ZNF282: variants seen among roughly 807,000 people sequenced by gnomAD.
ZNF282 encodes the protein HTLV-I U5 repressive element-binding protein 1.
A neutral mutation model predicts 61.9 loss-of-function variants in ZNF282; 30 were observed. That is an observed-to-expected ratio of 0.48 (90% confidence interval 0.36 to 0.66). The LOEUF (loss-of-function observed/expected upper bound fraction) is 0.66, where lower values mean the gene tolerates loss of function less well. Among genes scored for constraint, ZNF282 ranks in the 30% least tolerant of loss-of-function variants. The pLI, the probability that ZNF282 is intolerant of heterozygous loss-of-function variation, is 0.00. For missense variants in ZNF282, 788 were observed against 941.4 expected (o/e 0.84, Z 2.13); for synonymous variants, 396 against 405.0 (o/e 0.98, Z 0.27).
rs748170038 is a variant in ZNF282 at position 149,223,923 on chromosome 7, C to T, written c.1292C>T (p.Pro431Leu). 50 of 1,342,450 alleles carry T rather than the reference C, an allele frequency of 3.7e-5. No homozygotes were observed. Among genetic ancestry groups the T allele is most frequent in the East Asian group, 1.2e-4 (4 of 32,288 alleles). The allele number at this position is 1,342,450 out of a possible 1,614,324, so 83.2% of individuals were successfully genotyped here. A position where few individuals can be genotyped will look rare whatever the true frequency, so the allele number is the denominator to read the frequency against. ...LQSQPQPQSL[P>L]PIAVAENPGG... Reference sequence around the variant, plus strand: ...TCGCAGCCCCAGCCCCAGAGCCTGCCCCCCATCGCGGTGGCCGAGAACCCG... The same window carrying T: ...TCGCAGCCCCAGCCCCAGAGCCTGCTCCCCATCGCGGTGGCCGAGAACCCG... Residue 431 changes from proline to leucine, a missense_variant, in exon 8 of 8, where the codon CCC (proline) becomes CTC (leucine). Pro to Leu is a moderately conservative substitution (Grantham distance 98). Transcript: ENST00000610704.
intron 7 of ZNF282, among the ~76,000 whole-genome samples, chr7:149,216,926 CAAG>C (rs941346605): frequency 2.8e-4 from 43 of 152,274 alleles, no homozygotes; most frequent in African/African-American, 9.6e-4. Flanking sequence ...TAGTGTAAGA[CAAG>C]AAGAAGATTC....
intron 2 of ZNF282, among the ~76,000 whole-genome samples, chr7:149,201,380 C>T (rs192211404): frequency 6.6e-6 from 1 of 152,174 alleles, no homozygotes; most frequent in Non-Finnish European, 1.5e-5. Flanking sequence ...CTTGTCCCCC[C>T]ACCCATACAG....
At chr7:149,211,482 T>C (rs972078067) in intron 5 of ZNF282, among the ~76,000 whole-genome samples, 29 of 152,258 alleles carry the variant, frequency 1.9e-4, no homozygotes, top group African/African-American at 5.8e-4. Flanking sequence ...GCCCACATCA[T>C]AGAGGGCAAT....
Position 149,224,508 on chromosome 7 carries a change from G to C in ZNF282, c.1877G>C (p.Gly626Ala). ...NLLKHQRIHT[G>A]ERPYTCGECG... ...CTCAAGCACCAGCGCATCCACACGG[G>C]CGAGCGCCCCTACACGTGCGGCGAG... is the stretch of plus-strand genomic sequence containing the variant. The change falls in exon 8 of 8, where the codon GGC becomes GCC. Residue 626 changes from glycine (G) to alanine (A), a missense_variant. Transcript: ENST00000610704. The C allele has an allele frequency of 1.2e-6, 2 of 1,613,100 alleles. No homozygotes were observed. The highest frequency in any genetic ancestry group is 1.7e-6 in the Non-Finnish European group (2 of 1,179,934).
chr7:149,217,443 A>AT (rs1796174666), intron 7 of ZNF282, among the ~76,000 whole-genome samples: 1 of 152,196 alleles, frequency 6.6e-6, no homozygotes, highest in Non-Finnish European at 1.5e-5. Flanking sequence ...GGGCACCTGT[A>AT]ACTCCAGCTA....
At position 149,195,678 on chromosome 7, in the gene ZNF282, C is replaced by T; in HGVS notation, c.89C>T (p.Ala30Val). 6.3e-7 allele frequency: 1 copy of T among 1,587,568 alleles called. No individual in the cohort carries two copies. Among genetic ancestry groups the T allele is most frequent in the East Asian group, 2.3e-5 (1 of 42,742 alleles). ...LDSGSWSWAQ[A>V]LPPEEVCHQE... ...AGCGGGAGCTGGAGCTGGGCCCAGG[C>T]TCTGCCCCCGGAGGAGGTCTGCCAC... Residue 30 changes from alanine (A) to valine (V), a missense_variant, in exon 1 of 8, where the codon GCT becomes GTT. By Grantham distance (64) the Ala-to-Val change is moderately conservative. Transcript: ENST00000610704.
intron 2 of ZNF282, 161 bp from the exon 3 acceptor site, chr7:149,206,535 C>A: frequency 1.0e-6 from 1 of 1,001,938 alleles, no homozygotes; most frequent in Non-Finnish European, 1.5e-6. Context: ...AGGTCCGGGA[C>A]AGAGAGGACT....
At chr7:149,215,194 C>CT (rs1269173207) in intron 7 of ZNF282, among the ~76,000 whole-genome samples, 1,470 of 119,944 alleles carry the variant, frequency 0.012, 14 homozygotes, top group Non-Finnish European at 0.02. Flanking sequence ...TATTTCCTGA[C>CT]ATTTTTTTTT....
intron 2 of ZNF282, among the ~76,000 whole-genome samples, chr7:149,204,930 A>G (rs1452525862): frequency 6.6e-6 from 1 of 152,162 alleles, no homozygotes; most frequent in African/African-American, 2.4e-5. Flanking sequence ...CATCCTGGCT[A>G]ACATGGTGAA....
rs561001960 is a variant in ZNF282 at position 149,224,676 on chromosome 7, C to T, written c.*29C>T. 164 of 1,467,158 alleles carry T rather than the reference C, an allele frequency of 1.1e-4. No homozygotes were observed. In the East Asian group the frequency reaches 3.9e-3, roughly 35 times the overall value. 90.9% of individuals were successfully genotyped at this position (1,467,158 alleles called of 1,614,324 possible). Reference sequence around the variant, plus strand: ...TGGGCTGGGGGAGGGCAGGGCCGGACGGAGTGGATCGGGGGCGGCCTGAGC... The same window carrying T: ...TGGGCTGGGGGAGGGCAGGGCCGGATGGAGTGGATCGGGGGCGGCCTGAGC... On this transcript the variant is annotated 3_prime_UTR_variant, in exon 8 of 8. Transcript: ENST00000610704.
Position 149,213,745 on chromosome 7 carries a change from G to A in ZNF282, c.1111G>A (p.Glu371Lys), listed in dbSNP as rs1796120699. ...TGACATTTTGTCATGGATCAAGCAG[G>A]AGGAGCAGCCATACCCATGGGGACC... ...AHDILSWIKQ[E>K]EQPYPWGPRD... The change falls in exon 7 of 8, where the codon GAG (glutamate) becomes AAG (lysine). Residue 371 changes from glutamate to lysine, a missense_variant. Transcript: ENST00000610704. 1 of 1,613,782 alleles carries A rather than the reference G, an allele frequency of 6.2e-7. No homozygotes were observed. Among genetic ancestry groups the A allele is most frequent in the African/African-American group, 1.3e-5 (1 of 74,846 alleles).
rs1796351259 is a variant in ZNF282 at position 149,225,288 on chromosome 7, C to G, written c.*641C>G. 1 of 152,918 alleles carries G rather than the reference C, an allele frequency of 6.5e-6. No homozygotes were observed. Among genetic ancestry groups the G allele is most frequent in the South Asian group, 2.1e-4 (1 of 4,810 alleles). 9.5% of individuals were successfully genotyped at this position (152,918 alleles called of 1,614,324 possible). On this transcript the variant is annotated 3_prime_UTR_variant, in exon 8 of 8. Transcript: ENST00000610704. ...GCGCTCTCCGCCTACCTCCGCTGCT[C>G]GGGAAGCTGCTGGCCTGGCCCTCCT...
Position 149,224,598 on chromosome 7 carries a change from C to T in ZNF282, c.1967C>T (p.Pro656Leu), listed in dbSNP as rs918965843. ...CACCTGCGCGTGCACAGCGGCGGCC[C>T]GGGCCCCGGCGCCCCACGGCAGCTC... is the stretch of plus-strand genomic sequence containing the variant. Reference protein sequence around the residue: ...KDHLRVHSGGPGPGAPRQLPP... With the variant: ...KDHLRVHSGGLGPGAPRQLPP... The change falls in exon 8 of 8, where the codon CCG becomes CTG. Residue 656 changes from proline (P) to leucine (L), a missense_variant. By Grantham distance (98) the Pro-to-Leu change is moderately conservative. This residue lies in a region of ZNF282 where 559 missense variants were observed against 642.0 expected (regional missense o/e 0.87). Transcript: ENST00000610704. 4.5e-6 allele frequency: 7 copies of T among 1,562,314 alleles called. No homozygotes were observed. Among genetic ancestry groups the T allele is most frequent in the Admixed American group, 1.9e-5 (1 of 53,316 alleles).
intron 7 of ZNF282, among the ~76,000 whole-genome samples, chr7:149,216,068 T>C (rs948291580): frequency 1.3e-5 from 2 of 152,164 alleles, no homozygotes; most frequent in Non-Finnish European, 2.9e-5. Context: ...AGTTTGGATA[T>C]CATAGAATGA....
At chr7:149,207,612 CAG>C in intron 4 of ZNF282, 142 bp downstream of exon 4, 1 of 1,310,704 alleles carries the variant, frequency 7.6e-7, no homozygotes, top group Non-Finnish European at 1.0e-6. Context: ...CCAGTTCTGC[CAG>C]AGTCGAAATT....
chr7:149,203,913 A>ACCTATTGTGTTG (rs1795952409), intron 2 of ZNF282, among the ~76,000 whole-genome samples: 2 of 152,340 alleles, frequency 1.3e-5, no homozygotes, highest in East Asian at 3.9e-4. Context: ...TGTATAACAG[A>ACCTATTGTGTTG]TTACCTCAAA....
At chr7:149,210,795 A>G (rs1248261494) in intron 5 of ZNF282, 91 bp downstream of exon 5, 6 of 1,443,930 alleles carry the variant, frequency 4.2e-6, no homozygotes, top group African/African-American at 1.4e-5. Flanking sequence ...TAGCTGTCAC[A>G]TGTGCCAGGC....
chr7:149,224,601 GC>G lies in ZNF282; in HGVS notation c.1974del (p.Gly659AlafsTer31). ...DHLRVHSGGP[G>X]PGAPRQLPPP... ...CTGCGCGTGCACAGCGGCGGCCCGG[GC>G]CCCGGCGCCCCACGGCAGCTCCCGC... On this transcript the variant is annotated frameshift_variant, in exon 8 of 8. Coordinates refer to ENST00000610704, the MANE Select transcript of ZNF282 (RefSeq NM_003575.4). LOFTEE classifies it high-confidence loss of function. The G allele has an allele frequency of 6.4e-7, 1 of 1,559,952 alleles. No homozygotes were observed.
intron 1 of ZNF282, among the ~76,000 whole-genome samples, chr7:149,196,429 C>T (rs902094418): frequency 1.3e-5 from 2 of 152,148 alleles, no homozygotes; most frequent in African/African-American, 2.4e-5. Flanking sequence ...CCAGGCATTT[C>T]TTCAGGCTCC....
Sources: gnomAD v4.1 joint callset for allele counts (sites outside exome capture counted in the v4.1 genomes callset) on GRCh38, gnomAD v4.1.1 for gene constraint, gnomAD v4.1.1 regional missense constraint, MANE v1.5 for transcripts, NCBI Gene and HGNC (gene_info 2026-07-23, HGNC 2026-07-21) for gene names.